The following AMOTL1 variants were observed in gnomAD, a reference collection of about 807,000 sequenced individuals.
AMOTL1 encodes the protein angiomotin like 1, also known as angiomotin-like protein 1.
Under a neutral mutation model 102.9 loss-of-function variants are expected in AMOTL1, and 45 were observed. The ratio of observed to expected loss-of-function variants is 0.44; its 90% confidence interval spans 0.34 to 0.56. AMOTL1 has a LOEUF of 0.56. AMOTL1 is among the 20% of genes least tolerant of loss of function. The pLI is 0.01. For synonymous variants in AMOTL1, 481 were observed against 484.7 expected (o/e 0.99, Z 0.10); for missense variants, 1,114 against 1,225.6 (o/e 0.91, Z 1.36).
Position 94,800,160 on chromosome 11 carries a change from G to C in AMOTL1, c.970G>C (p.Val324Leu). 6.2e-7 allele frequency: 1 copy of C among 1,613,974 alleles called. No individual in the cohort carries two copies. Among genetic ancestry groups the C allele is most frequent in the Non-Finnish European group, 8.5e-7 (1 of 1,179,878 alleles). ...CAAGACCAAGCAAATGATGTCCCCA[G>C]TCAGCAAGACCCAGGAGCACGGACT... is the stretch of plus-strand genomic sequence containing the variant. ...PFKTKQMMSPVSKTQEHGLFY... is the reference protein window; with the variant it reads ...PFKTKQMMSPLSKTQEHGLFY... Residue 324 changes from valine (V) to leucine (L), a missense_variant, in exon 3 of 13, where the codon GTC (valine) becomes CTC (leucine). Transcript: ENST00000433060.
intron 3 of AMOTL1, among the ~76,000 whole-genome samples, chr11:94,758,844 G>T (rs946564922): frequency 1.3e-5 from 2 of 152,152 alleles, no homozygotes; most frequent in Non-Finnish European, 2.9e-5. Flanking sequence ...AGCCCAGTAT[G>T]TACAACTGTG....
At chr11:94,842,987 G>A (rs914946890) in intron 6 of AMOTL1, among the ~76,000 whole-genome samples, 5 of 152,122 alleles carry the variant, frequency 3.3e-5, no homozygotes, top group African/African-American at 1.2e-4. Context: ...TTTGTGAATA[G>A]ACCCACCTTA....
intron 4 of AMOTL1, among the ~76,000 whole-genome samples, chr11:94,822,361 A>C (rs1332583512): frequency 6.6e-6 from 1 of 152,200 alleles, no homozygotes; most frequent in African/African-American, 2.4e-5. Flanking sequence ...TGGGAAGCAT[A>C]GGTTATAGTG....
intron 1 of AMOTL1, among the ~76,000 whole-genome samples, chr11:94,707,244 CTCTCTCTGTGTGTGTGTGTG>C (rs1949945504): frequency 3.6e-5 from 2 of 55,478 alleles, no homozygotes; most frequent in South Asian, 1.2e-3. Context: ...CTCTCTCTCT[CTCTCTCTGTGTGTGTGTGTG>C]TGTGTGTGTG....
chr11:94,821,113 G>A (rs1951856928), intron 3 of AMOTL1, among the ~76,000 whole-genome samples: 1 of 152,144 alleles, frequency 6.6e-6, no homozygotes, highest in Admixed American at 6.5e-5. Context: ...TTGTCTGTCA[G>A]TGTGACTTCA....
Position 94,830,059 on chromosome 11 carries a change from G to T in AMOTL1, c.1423G>T (p.Glu475Ter). 6.3e-7 allele frequency: 1 copy of T among 1,594,032 alleles called. No individual in the cohort carries two copies. The highest frequency in any genetic ancestry group is 8.5e-7 in the Non-Finnish European group (1 of 1,172,572). ...CAGTTCTTTCTTTTAGTTTGAAAAAGAACTTCAGAGAATTTCGGAAGCCTA... is the reference window on the plus strand; with the variant it reads ...CAGTTCTTTCTTTTAGTTTGAAAAATAACTTCAGAGAATTTCGGAAGCCTA... ...NADKLHKFEKELQRISEAYES... is the reference protein window; with the variant it reads ...NADKLHKFEK Residue 475 changes from glutamate to a stop codon, truncating the protein, a stop_gained, in exon 5 of 13, where the codon GAA becomes TAA. Coordinates refer to ENST00000433060, the MANE Select transcript of AMOTL1 (RefSeq NM_130847.3). LOFTEE classifies it high-confidence loss of function.
At chr11:94,806,293 T>C (rs550217375) in intron 3 of AMOTL1, among the ~76,000 whole-genome samples, 23 of 152,338 alleles carry the variant, frequency 1.5e-4, no homozygotes, top group African/African-American at 5.1e-4. Context: ...GGGCTCTGTG[T>C]TTGGAATGTG....
At chr11:94,776,654 T>G (rs1951028739) in intron 1 of AMOTL1, among the ~76,000 whole-genome samples, 2 of 152,224 alleles carry the variant, frequency 1.3e-5, no homozygotes, top group African/African-American at 4.8e-5. Context: ...CACATTCAGC[T>G]GCTGCTTCTC....
At chr11:94,786,388 AG>A (rs1951189727) in intron 1 of AMOTL1, among the ~76,000 whole-genome samples, 1 of 152,148 alleles carries the variant, frequency 6.6e-6, no homozygotes, top group Non-Finnish European at 1.5e-5. Flanking sequence ...GTGAGAAGAG[AG>A]GACTCCTGCC....
rs1007099627 is a variant in AMOTL1 at position 94,874,727 on chromosome 11, C to T, written c.*3932C>T. On this transcript the variant is annotated 3_prime_UTR_variant, in exon 13 of 13. Transcript: ENST00000433060. ...ATGGGAAATTCTTCCTCCCCATTGA[C>T]CTGAGTCCCAGAGACTTAGGGACAC... 3 of 152,206 alleles carry T rather than the reference C, an allele frequency of 2.0e-5. No individual in the cohort carries two copies. The highest frequency in any genetic ancestry group is 4.4e-5 in the Non-Finnish European group (3 of 68,050). 9.4% of individuals were successfully genotyped at this position (152,206 alleles called of 1,614,324 possible).
intron 3 of AMOTL1, among the ~76,000 whole-genome samples, chr11:94,757,170 A>G (rs963217358): frequency 1.3e-5 from 2 of 152,200 alleles, no homozygotes; most frequent in African/African-American, 4.8e-5. Context: ...TAGCACAGCA[A>G]TAATTAAAAC....
chr11:94,717,819 T>C (rs1950118543), intron 1 of AMOTL1, among the ~76,000 whole-genome samples: 1 of 151,382 alleles, frequency 6.6e-6, no homozygotes, highest in South Asian at 2.1e-4. Context: ...GTACATTCAG[T>C]ACAAAGAAAG....
intron 1 of AMOTL1, among the ~76,000 whole-genome samples, chr11:94,714,082 G>C (rs1950058717): frequency 6.6e-6 from 1 of 151,880 alleles, no homozygotes; most frequent in East Asian, 1.9e-4. Context: ...CTTTGCTGAG[G>C]GTTTTTATCT....
intron 9 of AMOTL1, among the ~76,000 whole-genome samples, chr11:94,864,501 C>T (rs1039928175): frequency 2.6e-4 from 39 of 152,068 alleles, no homozygotes; most frequent in Admixed American, 2.0e-3. Flanking sequence ...AGTTTTAGCA[C>T]GGCACCCTGT....
chr11:94,734,941 T>A (rs944156934), intron 2 of AMOTL1, among the ~76,000 whole-genome samples: 1 of 152,234 alleles, frequency 6.6e-6, no homozygotes, highest in African/African-American at 2.4e-5. Context: ...TTTGTGCAGC[T>A]CTTTCTTGCA....
At chr11:94,761,898 C>G (rs1193282668) in intron 3 of AMOTL1, among the ~76,000 whole-genome samples, 1 of 152,198 alleles carries the variant, frequency 6.6e-6, no homozygotes, top group East Asian at 1.9e-4. Flanking sequence ...GGGGTCATTT[C>G]TCTCACTGTT....
intron 3 of AMOTL1, among the ~76,000 whole-genome samples, chr11:94,745,265 C>T (rs1365142660): frequency 6.9e-6 from 1 of 144,972 alleles, no homozygotes; most frequent in Admixed American, 7.1e-5. Context: ...CACCCCACGA[C>T]AGGACCCAGT....
intron 3 of AMOTL1, among the ~76,000 whole-genome samples, chr11:94,752,466 G>A (rs1950668514): frequency 6.6e-6 from 1 of 152,210 alleles, no homozygotes; most frequent in Non-Finnish European, 1.5e-5. Flanking sequence ...CTTGCTGCCT[G>A]CTGCCTGCGG....
At chr11:94,759,393 ATTTTAC>A (rs1343460045) in intron 3 of AMOTL1, among the ~76,000 whole-genome samples, 2 of 152,170 alleles carry the variant, frequency 1.3e-5, no homozygotes, top group African/African-American at 4.8e-5. Context: ...GGCAAATCAT[ATTTTAC>A]TTTTACTTAA....
Sources: allele counts gnomAD v4.1 joint callset (sites outside exome capture counted in the v4.1 genomes callset), GRCh38; gene constraint gnomAD v4.1.1; transcripts MANE v1.5; gene names NCBI Gene and HGNC (gene_info 2026-07-23, HGNC 2026-07-21).